The following RBPJ variants were observed in gnomAD, a reference collection of about 807,000 sequenced individuals.
The protein encoded by RBPJ is recombination signal binding protein for immunoglobulin kappa J region.
In RBPJ, 9 loss-of-function variants were observed where a neutral mutation model predicts 67.8. The observed-to-expected ratio is 0.13, with a 90% confidence interval of 0.08 to 0.23. The LOEUF is 0.23. Among genes scored for constraint, RBPJ ranks in the 10% least tolerant of loss-of-function variants. The probability of loss-of-function intolerance (pLI) is 1.00; values close to 1 mark genes in which losing one functional copy is unlikely to be tolerated. For missense variants in RBPJ, 305 were observed against 595.6 expected (o/e 0.51, Z 5.08); for synonymous variants, 198 against 203.3 (o/e 0.97, Z 0.22).
chr4:26,231,129 C>A (rs560103939), intron 1 of RBPJ, among the ~76,000 whole-genome samples: 1 of 152,194 alleles, frequency 6.6e-6, no homozygotes, highest in South Asian at 2.1e-4. Context: ...GTTTATTCAC[C>A]GAAGGAGCAA....
chr4:26,268,245 A>AT (rs1219904340), intron 1 of RBPJ, among the ~76,000 whole-genome samples: 4 of 151,626 alleles, frequency 2.6e-5, no homozygotes, highest in Non-Finnish European at 5.9e-5. Flanking sequence ...TCATTCCTTT[A>AT]TTTTTTTTCA....
intron 2 of RBPJ, among the ~76,000 whole-genome samples, chr4:26,401,887 C>CTTTTTTTTTTTTTTT (rs58935903): frequency 1.5e-5 from 2 of 129,724 alleles, no homozygotes; most frequent in Non-Finnish European, 3.3e-5. Context: ...TTCTTTCTTT[C>CTTTTTTTTTTTTTTT]TTTTTTTTTT....
the RBPJ span, among the ~76,000 whole-genome samples, chr4:26,119,399 A>G: frequency 1.3e-5 from 2 of 152,184 alleles, no homozygotes; most frequent in East Asian, 3.8e-4. Context: ...TTCCAATGCC[A>G]ACCCAATAAA....
chr4:26,130,720 G>A, the RBPJ span, among the ~76,000 whole-genome samples: 5 of 151,964 alleles, frequency 3.3e-5, no homozygotes, highest in South Asian at 4.1e-4. Context: ...CTTTACCACC[G>A]TCACTCTGTG....
At chr4:26,392,103 G>T (rs543944031) in intron 2 of RBPJ, among the ~76,000 whole-genome samples, 1 of 152,122 alleles carries the variant, frequency 6.6e-6, no homozygotes, top group African/African-American at 2.4e-5. Flanking sequence ...AGGAATTTTG[G>T]GGGGACACAT....
At chr4:26,158,711 G>A (rs543852104), upstream of RBPJ, among the ~76,000 whole-genome samples, 4 of 152,268 alleles carry the variant, frequency 2.6e-5, no homozygotes, top group South Asian at 8.3e-4. Flanking sequence ...TTCTGTCAAT[G>A]GTGTAGACTT....
upstream of RBPJ, among the ~76,000 whole-genome samples, chr4:26,315,173 T>A (rs372939758): frequency 0.024 from 1,972 of 82,852 alleles, 81 homozygotes; most frequent in African/African-American, 0.099. Context: ...AAAAAATATA[T>A]ATATATATAT....
chr4:26,234,376 C>T lies in RBPJ; in HGVS notation c.-167+70762C>T, dbSNP rs1028797587. 3.3e-5 allele frequency among the ~76,000 whole-genome samples: 5 copies of T among 152,202 alleles called. No homozygotes were observed. In the South Asian group the frequency reaches 6.2e-4, roughly 19 times the overall value. On this transcript the variant is annotated intron_variant, in intron 1 of 4. Transcript: ENST00000512351. ...CAAAGGAAGCAGAAGATGAAATACACACGCCTGACAATTTAATAGGGGATG... is the reference window on the plus strand; with the variant it reads ...CAAAGGAAGCAGAAGATGAAATACATACGCCTGACAATTTAATAGGGGATG...
intron 2 of RBPJ, among the ~76,000 whole-genome samples, chr4:26,404,611 T>G (rs1308473501): frequency 6.6e-6 from 1 of 152,218 alleles, no homozygotes; most frequent in Admixed American, 6.5e-5. Context: ...TGGTGTTAGC[T>G]GTATAGCAGT....
At chr4:26,178,607 CAAAAA>C (rs1173498137) in intron 1 of RBPJ, among the ~76,000 whole-genome samples, 10 of 58,738 alleles carry the variant, frequency 1.7e-4, no homozygotes, top group African/African-American at 5.6e-4. Flanking sequence ...GACCCCGTAT[CAAAAA>C]AAAAAAAAAA....
At chr4:26,319,690 C>CTG, upstream of RBPJ, 1 of 680,340 alleles carries the variant, frequency 1.5e-6, no homozygotes, top group Non-Finnish European at 2.7e-6. Flanking sequence ...GGAGGTGTAG[C>CTG]GTGAGACTGG....
chr4:26,188,795 C>T (rs1717368988), intron 1 of RBPJ, among the ~76,000 whole-genome samples: 1 of 151,934 alleles, frequency 6.6e-6, no homozygotes, highest in African/African-American at 2.4e-5. Context: ...TTATAAAAAC[C>T]ACTGAGGAAT....
At chr4:26,215,802 C>T (rs763139755) in intron 1 of RBPJ, among the ~76,000 whole-genome samples, 4 of 151,454 alleles carry the variant, frequency 2.6e-5, no homozygotes, top group Non-Finnish European at 5.9e-5. Flanking sequence ...TCCCCACTCC[C>T]GCCTCCCGCA....
chr4:26,314,982 T>C (rs1240099868), upstream of RBPJ, among the ~76,000 whole-genome samples: 1 of 150,768 alleles, frequency 6.6e-6, no homozygotes, highest in Admixed American at 6.6e-5. Flanking sequence ...CCGTCTCCAC[T>C]AAAAATACAA....
chr4:26,412,362 A>T (rs1476531841), intron 3 of RBPJ, among the ~76,000 whole-genome samples: 1 of 151,930 alleles, frequency 6.6e-6, no homozygotes, highest in Non-Finnish European at 1.5e-5. Flanking sequence ...CTCCTGAGTA[A>T]CTGGGACTAC....
At chr4:26,298,952 T>TC (rs967879639) in intron 1 of RBPJ, among the ~76,000 whole-genome samples, 1 of 152,186 alleles carries the variant, frequency 6.6e-6, no homozygotes, top group African/African-American at 2.4e-5. Flanking sequence ...ATTTAAAATT[T>TC]ACGCTTCAAA....
At chr4:26,284,253 C>T (rs758717008) in intron 1 of RBPJ, among the ~76,000 whole-genome samples, 1 of 152,136 alleles carries the variant, frequency 6.6e-6, no homozygotes, top group East Asian at 1.9e-4. Flanking sequence ...TCTGAACATG[C>T]TCTAATGTAT....
intron 1 of RBPJ, among the ~76,000 whole-genome samples, chr4:26,275,785 C>A (rs1721058863): frequency 6.6e-6 from 1 of 151,992 alleles, no homozygotes; most frequent in Admixed American, 6.5e-5. Context: ...CGTGCACCAC[C>A]ACACCCAGCT....
chr4:26,371,782 A>G (rs575518619), intron 1 of RBPJ, among the ~76,000 whole-genome samples: 1 of 152,376 alleles, frequency 6.6e-6, no homozygotes, highest in South Asian at 2.1e-4. Flanking sequence ...TCTTTGAAAC[A>G]TTAAATAATG....
Sources: gnomAD v4.1 joint callset for allele counts (sites outside exome capture counted in the v4.1 genomes callset) on GRCh38, gnomAD v4.1.1 for gene constraint, MANE v1.5 for transcripts, NCBI Gene and HGNC (gene_info 2026-07-23, HGNC 2026-07-21) for gene names.